The following CLIC5 variants were observed in gnomAD, a reference collection of about 807,000 sequenced individuals.
CLIC5 encodes CLIC family member 5.
Under a neutral mutation model 24.7 loss-of-function variants are expected in CLIC5, and 20 were observed. That is an observed-to-expected ratio of 0.81 (90% CI 0.57 to 1.18). The LOEUF (loss-of-function observed/expected upper bound fraction) is 1.18, where lower values mean the gene tolerates loss of function less well. CLIC5 is among the 50% of genes most tolerant of loss of function. The pLI, the probability that CLIC5 is intolerant of heterozygous loss-of-function variation, is 0.00. For missense variants in CLIC5, 341 were observed against 326.1 expected (o/e 1.05, Z -0.35); for synonymous variants, 159 against 135.6 (o/e 1.17, Z -1.20).
chr6:46,115,774 G>A, the CLIC5 span, among the ~76,000 whole-genome samples: 1 of 152,218 alleles, frequency 6.6e-6, no homozygotes, highest in East Asian at 1.9e-4. Context: ...ATTTACATGT[G>A]TCTAACAAAA....
intron 1 of CLIC5, among the ~76,000 whole-genome samples, chr6:45,965,416 G>A (rs1166473449): frequency 6.6e-6 from 1 of 152,192 alleles, no homozygotes; most frequent in African/African-American, 2.4e-5. Context: ...TAAGGGATCA[G>A]GTCCGGGACA....
At chr6:45,967,714 T>C (rs1765062188) in intron 1 of CLIC5, among the ~76,000 whole-genome samples, 1 of 152,096 alleles carries the variant, frequency 6.6e-6, no homozygotes, top group Non-Finnish European at 1.5e-5. Flanking sequence ...AGCTTCTGGT[T>C]AGGGCCTCAG....
the CLIC5 span, among the ~76,000 whole-genome samples, chr6:46,100,020 A>G: frequency 6.6e-6 from 1 of 151,502 alleles, no homozygotes; most frequent in African/African-American, 2.4e-5. Context: ...CCTCGCTTCT[A>G]CTATTTTGAC....
the CLIC5 span, among the ~76,000 whole-genome samples, chr6:46,105,531 C>T: frequency 6.6e-6 from 1 of 152,086 alleles, no homozygotes; most frequent in African/African-American, 2.4e-5. Context: ...ATTCTCCTCC[C>T]TATGCTGTCT....
intron 5 of CLIC5, among the ~76,000 whole-genome samples, chr6:45,904,951 C>A (rs1762616739): frequency 6.6e-6 from 1 of 151,934 alleles, no homozygotes; most frequent in Admixed American, 6.6e-5. Flanking sequence ...TGCTTAGCTC[C>A]TACTTATAAG....
At chr6:45,895,024 A>T (rs192593130), downstream of CLIC5, among the ~76,000 whole-genome samples, 30 of 152,318 alleles carry the variant, frequency 2.0e-4, no homozygotes, top group Admixed American at 1.3e-3. Context: ...TGTTAAAAAA[A>T]AAGTATTCAT....
Position 46,015,735 on chromosome 6 carries a change from A to G in CLIC5, c.-193T>C. On this transcript the variant is annotated 5_prime_UTR_variant, in exon 1 of 6. Coordinates refer to ENST00000339561, the MANE Select transcript of CLIC5 (RefSeq NM_016929.5). ...GATCAGTGTCCCAGATGCTCACATGAAAAGGAGCGAAGCCGGGAGGAGGCG... is the reference window on the plus strand; with the variant it reads ...GATCAGTGTCCCAGATGCTCACATGGAAAGGAGCGAAGCCGGGAGGAGGCG... 1 of 1,239,880 alleles carries G rather than the reference A, an allele frequency of 8.1e-7. No individual in the cohort carries two copies. Among genetic ancestry groups the G allele is most frequent in the East Asian group, 3.2e-5 (1 of 31,452 alleles). The allele number at this position is 1,239,880 out of a possible 1,614,324, so 76.8% of individuals were successfully genotyped here. A position where few individuals can be genotyped will look rare whatever the true frequency, so the allele number is the denominator to read the frequency against.
At chr6:46,018,226 G>T (rs1005013522), upstream of CLIC5, among the ~76,000 whole-genome samples, 15 of 152,054 alleles carry the variant, frequency 9.9e-5, no homozygotes, top group Non-Finnish European at 1.5e-4. Context: ...CGAGGGTTTT[G>T]GTTTTTTGTT....
Position 46,075,383 on chromosome 6 carries a change from C to T in CLIC5, c.540+4320G>A, listed in dbSNP as rs574510633. Among the ~76,000 whole-genome samples the T allele has an allele frequency of 7.9e-5, 12 of 151,918 alleles. No individual in the cohort carries two copies. In the South Asian group the frequency reaches 8.3e-4, roughly 11 times the overall value. On this transcript the variant is annotated intron_variant, in intron 1 of 5. Transcript: ENST00000185206. ...AGGAGTTTAAGAACAGCCCTGGCAACGGGGCAAGACCCTGTCTCTACAAAC... is the reference window on the plus strand; with the variant it reads ...AGGAGTTTAAGAACAGCCCTGGCAATGGGGCAAGACCCTGTCTCTACAAAC...
chr6:45,880,877 G>A (rs150345859), downstream of CLIC5: 19 of 347,822 alleles, frequency 5.5e-5, no homozygotes, highest in Non-Finnish European at 6.7e-5. Flanking sequence ...ACCGACGGGC[G>A]TTGCCCAGAA....
chr6:45,966,423 G>C (rs143202673), intron 1 of CLIC5, among the ~76,000 whole-genome samples: 39 of 152,172 alleles, frequency 2.6e-4, no homozygotes, highest in African/African-American at 8.0e-4. Flanking sequence ...CAATGTTCTC[G>C]AGGTGATTCT....
the CLIC5 span, among the ~76,000 whole-genome samples, chr6:46,104,656 C>T: frequency 6.7e-6 from 1 of 148,480 alleles, no homozygotes; most frequent in Non-Finnish European, 1.5e-5. Flanking sequence ...GGCAAAGACT[C>T]CTATGTTTAA....
chr6:46,003,993 C>T (rs1454021416), intron 1 of CLIC5, among the ~76,000 whole-genome samples: 1 of 152,108 alleles, frequency 6.6e-6, no homozygotes, highest in African/African-American at 2.4e-5. Context: ...GGATAAGAGA[C>T]CCAAAAATGC....
intron 1 of CLIC5, among the ~76,000 whole-genome samples, chr6:46,043,023 G>A (rs1325280945): frequency 6.6e-6 from 1 of 152,166 alleles, no homozygotes; most frequent in East Asian, 1.9e-4. Flanking sequence ...CTGAAAAACA[G>A]AGATATATTT....
intron 1 of CLIC5, among the ~76,000 whole-genome samples, chr6:46,037,257 T>C (rs956614522): frequency 2.0e-5 from 3 of 152,200 alleles, no homozygotes; most frequent in Admixed American, 6.5e-5. Flanking sequence ...AAAATCAAAA[T>C]TACAATCTTT....
chr6:46,003,659 A>G lies in CLIC5; in HGVS notation c.63+11821T>C, dbSNP rs182131968. ...TTAGACTCACCCCTGTGGGTTTTGG[A>G]TACTCCCATGGGGCCTGGTTAGGTT... On this transcript the variant is annotated intron_variant, in intron 1 of 5. Transcript: ENST00000339561. Among the ~76,000 whole-genome samples the G allele has an allele frequency of 1.1e-3, 173 of 152,264 alleles. 5 individuals are homozygous for G. The South Asian group carries it at 0.027, about 24-fold the overall frequency.
chr6:45,912,128 C>G lies in CLIC5; in HGVS notation c.588+2100G>C, dbSNP rs572385521. 16 of 986,634 alleles carry G rather than the reference C, an allele frequency of 1.6e-5. No individual in the cohort carries two copies. The East Asian group carries it at 1.1e-3, about 70-fold the overall frequency. The allele number at this position is 986,634 out of a possible 1,614,324, so 61.1% of individuals were successfully genotyped here. ...CTTTCATATGAAAACAGTTAGCTCC[C>G]ACAGCCCAGATTAAGTTTTGGCATC... On this transcript the variant is annotated intron_variant, in intron 5 of 5. Transcript: ENST00000339561.
intron 6 of CLIC5, among the ~76,000 whole-genome samples, chr6:45,882,367 G>C (rs1402310967): frequency 5.3e-5 from 8 of 152,232 alleles, no homozygotes; most frequent in Admixed American, 5.2e-4. Context: ...CCTGCCTGTT[G>C]GGTTTCAGCT....
At chr6:46,008,838 G>A (rs903273178) in intron 1 of CLIC5, among the ~76,000 whole-genome samples, 1 of 152,102 alleles carries the variant, frequency 6.6e-6, no homozygotes, top group African/African-American at 2.4e-5. Flanking sequence ...TATTGCCTTG[G>A]CTACCTCCAT....
Sources: allele counts gnomAD v4.1 joint callset (sites outside exome capture counted in the v4.1 genomes callset), GRCh38; gene constraint gnomAD v4.1.1; transcripts MANE v1.5; gene names NCBI Gene and HGNC (gene_info 2026-07-23, HGNC 2026-07-21).